The following NAV1 variants were observed in gnomAD, a reference collection of about 807,000 sequenced individuals.
NAV1 encodes neuron navigator 1.
In NAV1, 18 loss-of-function variants were observed where a neutral mutation model predicts 175.2. The ratio of observed to expected loss-of-function variants is 0.10; its 90% CI spans 0.07 to 0.15. The LOEUF is 0.15. Among genes scored for constraint, NAV1 ranks in the 10% least tolerant of loss-of-function variants. NAV1 has a pLI of 1.00. For missense variants in NAV1, 1,731 were observed against 2,436.6 expected (o/e 0.71, Z 6.10); for synonymous variants, 897 against 978.7 (o/e 0.92, Z 1.56).
At chr1:201,704,258 C>T (rs1043930469) in intron 1 of NAV1, among the ~76,000 whole-genome samples, 6 of 152,206 alleles carry the variant, frequency 3.9e-5, no homozygotes, top group African/African-American at 1.2e-4. Flanking sequence ...AGGAGCTGTG[C>T]TAAGCAGGAG....
chr1:201,651,832 C>T (rs1558038689), intron 1 of NAV1, among the ~76,000 whole-genome samples: 1 of 152,098 alleles, frequency 6.6e-6, no homozygotes, highest in Non-Finnish European at 1.5e-5. Flanking sequence ...CCAAATCTGC[C>T]TGTCTCCAGC....
chr1:201,814,722 A>G (rs1221211447), intron 28 of NAV1, among the ~76,000 whole-genome samples: 2 of 152,050 alleles, frequency 1.3e-5, no homozygotes, highest in Non-Finnish European at 2.9e-5. Context: ...TCACACAGAT[A>G]GTATTTGTTT....
intron 1 of NAV1, among the ~76,000 whole-genome samples, chr1:201,702,257 C>G (rs1671457874): frequency 6.6e-6 from 1 of 152,094 alleles, no homozygotes; most frequent in Non-Finnish European, 1.5e-5. Context: ...TGCTAATGGC[C>G]ACAGGGCTTC....
chr1:201,550,180 T>G (rs1174361558), intron 1 of NAV1, among the ~76,000 whole-genome samples: 1 of 152,122 alleles, frequency 6.6e-6, no homozygotes, highest in Non-Finnish European at 1.5e-5. Context: ...CACTTTTTTT[T>G]TGTTTTTAAG....
At chr1:201,565,426 A>G (rs970865252) in intron 1 of NAV1, among the ~76,000 whole-genome samples, 2 of 152,212 alleles carry the variant, frequency 1.3e-5, no homozygotes, top group Non-Finnish European at 2.9e-5. Context: ...TGCTCTTGGC[A>G]GCTCACACTC....
At chr1:201,815,775 G>C (rs1251286937) in intron 28 of NAV1, among the ~76,000 whole-genome samples, 2 of 152,130 alleles carry the variant, frequency 1.3e-5, no homozygotes, top group African/African-American at 4.8e-5. Context: ...TTTCACTCTT[G>C]TTGCCCAGGC....
intron 2 of NAV1, among the ~76,000 whole-genome samples, chr1:201,607,870 T>TTTTG (rs565100210): frequency 1.6e-3 from 221 of 138,272 alleles, no homozygotes; most frequent in Middle Eastern, 3.6e-3. Flanking sequence ...GATAACTTTA[T>TTTTG]TGTGTGTGTG....
intron 3 of NAV1, among the ~76,000 whole-genome samples, chr1:201,730,582 G>A (rs1038614801): frequency 7.9e-5 from 12 of 152,332 alleles, no homozygotes; most frequent in Middle Eastern, 3.4e-3. Context: ...ACCTAGCAAT[G>A]TAGGTTCTCA....
intron 1 of NAV1, among the ~76,000 whole-genome samples, chr1:201,563,468 T>C (rs879346299): frequency 6.6e-5 from 10 of 150,704 alleles, no homozygotes; most frequent in Non-Finnish European, 1.3e-4. Context: ...GTACCCCACA[T>C]GTCTGCTTCA....
intron 2 of NAV1, among the ~76,000 whole-genome samples, chr1:201,633,758 G>C (rs1016730615): frequency 1.3e-5 from 2 of 152,250 alleles, no homozygotes; most frequent in African/African-American, 4.8e-5. Context: ...CATCTGTGGA[G>C]AGAAGACATG....
chr1:201,600,010 C>T (rs1667473973), intron 2 of NAV1, among the ~76,000 whole-genome samples: 2 of 152,198 alleles, frequency 1.3e-5, no homozygotes, highest in Admixed American at 1.3e-4. Context: ...ACCGAGGAGA[C>T]AGCTTGGGCC....
chr1:201,704,484 A>T (rs1671580355), intron 1 of NAV1, among the ~76,000 whole-genome samples: 1 of 152,370 alleles, frequency 6.6e-6, no homozygotes, highest in South Asian at 2.1e-4. Context: ...GACTTCTCTT[A>T]TCCCAAGCCT....
chr1:201,626,113 C>A (rs1309948657), intron 1 of NAV1, among the ~76,000 whole-genome samples: 1 of 152,222 alleles, frequency 6.6e-6, no homozygotes, highest in Non-Finnish European at 1.5e-5. Flanking sequence ...CTCCGAGATG[C>A]TGCACGCCAA....
Position 201,780,999 on chromosome 1 carries a change from C to A in NAV1, c.1366-13C>A. On this transcript the variant is annotated splice_polypyrimidine_tract_variant and intron_variant, in intron 4 of 29. Transcript: ENST00000367296. ...TAGAAGTATCTCACTCTGCCTTTTT[C>A]TCTTTTCTTTAGCTACGCACAGACT... is the stretch of plus-strand genomic sequence containing the variant. The A allele has an allele frequency of 3.8e-6, 6 of 1,578,420 alleles. No individual in the cohort carries two copies. The highest frequency in any genetic ancestry group is 1.7e-4 in the Middle Eastern group (1 of 5,854).
intron 1 of NAV1, among the ~76,000 whole-genome samples, chr1:201,556,217 C>T (rs893404531): frequency 3.9e-5 from 6 of 152,070 alleles, no homozygotes; most frequent in South Asian, 2.1e-4. Flanking sequence ...TTTGAGACCA[C>T]CCTGGACAAC....
At chr1:201,626,927 G>A (rs554352715) in intron 1 of NAV1, among the ~76,000 whole-genome samples, 6 of 152,216 alleles carry the variant, frequency 3.9e-5, no homozygotes, top group Non-Finnish European at 8.8e-5. Flanking sequence ...GGAGGCAGAT[G>A]TGGATAAAAA....
In NAV1 at chr1:201,809,432, G is replaced by C; in HGVS notation, c.4306-10G>C. On this transcript the variant is annotated splice_polypyrimidine_tract_variant and intron_variant, in intron 21 of 29. Coordinates refer to ENST00000367296, the Ensembl canonical transcript of NAV1. ...GAAGCTCAAGAGCTTTTCCTTCCTT[G>C]GCCTTACAGGACTTGAAGCAGCAGG... The C allele has an allele frequency of 6.2e-7, 1 of 1,613,736 alleles. No homozygotes were observed. The highest frequency in any genetic ancestry group is 8.5e-7 in the Non-Finnish European group (1 of 1,179,858).
chr1:201,814,065 AAAACAAAC>A lies in NAV1; in HGVS notation c.5340+819_5340+826del, dbSNP rs1329479210. 1.9e-3 allele frequency among the ~76,000 whole-genome samples: 286 copies of A among 152,072 alleles called. 2 individuals carry two copies. The highest frequency in any genetic ancestry group is 6.6e-3 in the African/African-American group (275 of 41,504). On this transcript the variant is annotated intron_variant, in intron 28 of 29. Transcript: ENST00000367296. ...AGAGCGAGACTCTGTCACAAAAACA[AAAACAAAC>A]AAACAAACAAAAAAACTTAAAATAA...
intron 1 of NAV1, among the ~76,000 whole-genome samples, chr1:201,542,606 A>G (rs1290875725): frequency 1.3e-5 from 2 of 151,506 alleles, no homozygotes; most frequent in Middle Eastern, 3.2e-3. Context: ...GCATCCTGTG[A>G]CTCTTGAGAC....
Sources: allele counts gnomAD v4.1 joint callset (sites outside exome capture counted in the v4.1 genomes callset), GRCh38; gene constraint gnomAD v4.1.1; transcripts MANE v1.5; gene names NCBI Gene and HGNC (gene_info 2026-07-23, HGNC 2026-07-21).